The following CDC27 variants were observed in gnomAD, a reference collection of about 807,000 sequenced individuals.
The protein encoded by CDC27 is cell division cycle 27, also known as cell division cycle protein 27 homolog.
A neutral mutation model predicts 109.7 loss-of-function variants in CDC27; 27 were observed. The observed-to-expected ratio is 0.25, with a 90% CI of 0.18 to 0.34. CDC27 has a LOEUF of 0.34. Among genes scored for constraint, CDC27 ranks in the 10% least tolerant of loss-of-function variants. The pLI, the probability that CDC27 is intolerant of heterozygous loss-of-function variation, is 1.00. For missense variants in CDC27, 579 were observed against 960.2 expected (o/e 0.60, Z 5.25); for synonymous variants, 266 against 333.9 (o/e 0.80, Z 2.22).
Position 47,120,100 on chromosome 17 carries a change from A to C in CDC27, c.*835T>G, listed in dbSNP as rs1243789758. 6.6e-6 allele frequency: 1 copy of C among 152,164 alleles called. No homozygotes were observed. The highest frequency in any genetic ancestry group is 1.5e-5 in the Non-Finnish European group (1 of 68,018). The allele number at this position is 152,164 out of a possible 1,614,324, so 9.4% of individuals were successfully genotyped here. ...TCCTTCTGATTCATATGGTGAACTT[A>C]AGGGGTTATTAAGGGCCTTGTTTTG... On this transcript the variant is annotated 3_prime_UTR_variant, in exon 19 of 19. Transcript: ENST00000066544.
At chr17:47,175,276 G>A (rs2063964745) in intron 2 of CDC27, among the ~76,000 whole-genome samples, 1 of 152,176 alleles carries the variant, frequency 6.6e-6, no homozygotes, top group African/African-American at 2.4e-5. Context: ...AAACCAGATA[G>A]ACGCCTCTTC....
intron 9 of CDC27, among the ~76,000 whole-genome samples, chr17:47,147,424 C>T (rs1325894970): frequency 8.3e-5 from 8 of 96,728 alleles, no homozygotes; most frequent in Non-Finnish European, 1.4e-4. Context: ...AACAAACAAA[C>T]AAACAAAAAA....
intron 13 of CDC27, 62 bp from the exon 14 acceptor site, chr17:47,137,422 CTA>C: frequency 1.0e-6 from 1 of 967,838 alleles, no homozygotes; most frequent in East Asian, 3.0e-5. Flanking sequence ...AAAACCAAAT[CTA>C]TGACTAAAAT....
chr17:47,189,190 A>G lies in CDC27; in HGVS notation c.-18T>C. 2 of 1,608,624 alleles carry G rather than the reference A, an allele frequency of 1.2e-6. No homozygotes were observed. Among genetic ancestry groups the G allele is most frequent in the Non-Finnish European group, 1.7e-6 (2 of 1,175,092 alleles). ...ACCGTCATCCTCGAGGCTCAGGCCCACTTTCTGCAGTGCCTCAGGCCCCCC... is the reference window on the plus strand; with the variant it reads ...ACCGTCATCCTCGAGGCTCAGGCCCGCTTTCTGCAGTGCCTCAGGCCCCCC... On this transcript the variant is annotated 5_prime_UTR_variant, in exon 1 of 19. Coordinates refer to ENST00000066544, the MANE Select transcript of CDC27 (RefSeq NM_001256.6).
At chr17:47,166,842 C>T (rs996308271) in intron 4 of CDC27, among the ~76,000 whole-genome samples, 1 of 151,986 alleles carries the variant, frequency 6.6e-6, no homozygotes, top group Non-Finnish European at 1.5e-5. Context: ...TCCTCTTCAA[C>T]CCATGAATTA....
At chr17:47,170,787 C>T (rs1372026381) in intron 3 of CDC27, among the ~76,000 whole-genome samples, 1 of 152,102 alleles carries the variant, frequency 6.6e-6, no homozygotes, top group Non-Finnish European at 1.5e-5. Flanking sequence ...TTAAACAAGA[C>T]TAACATAGTT....
intron 4 of CDC27, chr17:47,159,905 T>A (rs1164427917): frequency 5.0e-6 from 2 of 403,806 alleles, no homozygotes; most frequent in Admixed American, 3.2e-5. Flanking sequence ...CTACTCCTTA[T>A]CCTTGGCCTT....
At chr17:47,134,306 AT>A (rs35766560) in intron 14 of CDC27, among the ~76,000 whole-genome samples, 50,674 of 144,940 alleles carry the variant, frequency 0.35, 9,612 homozygotes, top group Admixed American at 0.45. Flanking sequence ...ACCCATATAG[AT>A]TTTTTTTTTT....
At chr17:47,157,564 T>C (rs992430822) in intron 5 of CDC27, among the ~76,000 whole-genome samples, 180 bp from the exon 6 acceptor site, 2 of 145,062 alleles carry the variant, frequency 1.4e-5, no homozygotes, top group African/African-American at 5.1e-5. Flanking sequence ...ATCATAAAAG[T>C]TTACCAGTAA....
intron 16 of CDC27, among the ~76,000 whole-genome samples, chr17:47,124,178 A>AACACACACACACACACAC (rs59790354): frequency 5.5e-4 from 80 of 144,500 alleles, no homozygotes; most frequent in Middle Eastern, 3.5e-3. Flanking sequence ...GTACACTGAA[A>AACACACACACACACACAC]ACACACACAC....
Position 47,138,837 on chromosome 17 carries a change from T to A in CDC27, c.1606A>T (p.Met536Leu). Residue 536 changes from methionine (M) to leucine (L), a missense_variant, in exon 13 of 19, where the codon ATG (methionine) becomes TTG (leucine). This residue lies in a region of CDC27 where 227 missense variants were observed against 363.6 expected (regional missense o/e 0.62). Transcript: ENST00000066544. Reference protein sequence around the residue: ...RRIENYRVEGMEIYSTTLWHL... With the variant: ...RRIENYRVEGLEIYSTTLWHL... ...CAAAGTGTTGTAGAGTAGATCTCCATGCCTTCAACTCTATAATTCTCAATC... is the reference window on the plus strand; with the variant it reads ...CAAAGTGTTGTAGAGTAGATCTCCAAGCCTTCAACTCTATAATTCTCAATC... The A allele has an allele frequency of 6.2e-7, 1 of 1,605,018 alleles. No individual in the cohort carries two copies. The highest frequency in any genetic ancestry group is 8.5e-7 in the Non-Finnish European group (1 of 1,172,570).
intron 10 of CDC27, among the ~76,000 whole-genome samples, chr17:47,142,744 G>A (rs1322769493): frequency 6.6e-6 from 1 of 152,112 alleles, no homozygotes; most frequent in Non-Finnish European, 1.5e-5. Flanking sequence ...GTAATTCTCA[G>A]CTCACCGCAA....
At chr17:47,134,330 C>T (rs1598419364) in intron 14 of CDC27, among the ~76,000 whole-genome samples, 6 of 149,294 alleles carry the variant, frequency 4.0e-5, no homozygotes, top group South Asian at 2.1e-4. Flanking sequence ...TTTAATTCAA[C>T]GTCTTGCTCT....
chr17:47,181,113 G>A (rs1200251217), intron 2 of CDC27, among the ~76,000 whole-genome samples: 2 of 149,584 alleles, frequency 1.3e-5, no homozygotes, highest in African/African-American at 4.9e-5. Flanking sequence ...AAATTAGCCA[G>A]GCGTGGTGGT....
chr17:47,149,117 C>T (rs2063071450), intron 9 of CDC27, among the ~76,000 whole-genome samples: 1 of 150,296 alleles, frequency 6.7e-6, no homozygotes, highest in Non-Finnish European at 1.5e-5. Flanking sequence ...GAAATTCTTG[C>T]CTAGTAAAAA....
chr17:47,152,779 A>T (rs1380735875), intron 8 of CDC27, among the ~76,000 whole-genome samples: 1 of 152,148 alleles, frequency 6.6e-6, no homozygotes, highest in Non-Finnish European at 1.5e-5. Flanking sequence ...AACATCACTG[A>T]TCATGCCCTA....
intron 12 of CDC27, among the ~76,000 whole-genome samples, chr17:47,139,549 G>T (rs919570336): frequency 3.3e-5 from 5 of 151,894 alleles, no homozygotes; most frequent in African/African-American, 1.2e-4. Flanking sequence ...TTACAGGCAT[G>T]AGCCACCACA....
intron 2 of CDC27, among the ~76,000 whole-genome samples, chr17:47,177,238 T>C (rs1042776556): frequency 6.6e-6 from 1 of 152,018 alleles, no homozygotes; most frequent in East Asian, 1.9e-4. Flanking sequence ...ATGGGCAACA[T>C]AGGGAGATCT....
In CDC27 at chr17:47,187,962, C is replaced by T. The variant is rs1296037053; in HGVS notation, c.27+1184G>A. Among the ~76,000 whole-genome samples the T allele has an allele frequency of 5.3e-5, 8 of 151,882 alleles. No individual in the cohort carries two copies. The East Asian group carries it at 1.5e-3, about 29-fold the overall frequency. On this transcript the variant is annotated intron_variant, in intron 1 of 18. Transcript: ENST00000066544. ...GTAAATTTCATAAGATATAATCTTA[C>T]GTTTTATTAATTCAAACACTAATAG...
Sources: allele counts gnomAD v4.1 joint callset (sites outside exome capture counted in the v4.1 genomes callset), GRCh38; gene constraint gnomAD v4.1.1; regional missense constraint gnomAD v4.1.1; transcripts MANE v1.5; gene names NCBI Gene and HGNC (gene_info 2026-07-23, HGNC 2026-07-21).